NIT2: variants seen among roughly 807,000 people sequenced by gnomAD.
NIT2 encodes omega-amidase NIT2.
A neutral mutation model predicts 42.7 loss-of-function variants in NIT2; 46 were observed. That is an observed-to-expected ratio of 1.08 (90% confidence interval 0.85 to 1.38). NIT2 has a LOEUF of 1.38. NIT2 is among the 40% of genes most tolerant of loss of function. NIT2 has a pLI of 0.00. For missense variants in NIT2, 309 were observed against 342.5 expected, an observed-to-expected ratio of 0.90 and a Z score of 0.77; for synonymous variants, 123 against 121.9, an observed-to-expected ratio of 1.01 and a Z score of -0.06.
At chr3:100,344,786 T>C (rs1706194829) in intron 4 of NIT2, among the ~76,000 whole-genome samples, 1 of 151,276 alleles carries the variant, frequency 6.6e-6, no homozygotes, top group African/African-American at 2.4e-5. Flanking sequence ...GCTGGGATTA[T>C]AGGCATGCAC....
chr3:100,338,154 A>T (rs1432569811), intron 1 of NIT2, among the ~76,000 whole-genome samples: 1 of 152,194 alleles, frequency 6.6e-6, no homozygotes, highest in African/African-American at 2.4e-5. Context: ...AGCAAATATG[A>T]TGTATAGCTA....
Position 100,352,384 on chromosome 3 carries a change from T to G in NIT2, c.585-20T>G. The G allele has an allele frequency of 6.3e-7, 1 of 1,580,978 alleles. No homozygotes were observed. The highest frequency in any genetic ancestry group is 1.3e-5 in the African/African-American group (1 of 74,384). On this transcript the variant is annotated intron_variant, in intron 7 of 9. Coordinates refer to ENST00000394140, the MANE Select transcript of NIT2 (RefSeq NM_020202.5). Reference sequence around the variant, plus strand: ...GATTTATAATGTACGATTTACCTCTTTCCTGTCTATTGACTACAGGGCTGT... The same window carrying G: ...GATTTATAATGTACGATTTACCTCTGTCCTGTCTATTGACTACAGGGCTGT...
At chr3:100,335,041 C>A in intron 1 of NIT2, 1 of 515,572 alleles carries the variant, frequency 1.9e-6, no homozygotes, top group East Asian at 6.6e-5. Context: ...CACCCGGCCG[C>A]GCCGGCACCC....
chr3:100,348,922 T>A, intron 7 of NIT2, 41 bp downstream of exon 7: 1 of 1,568,820 alleles, frequency 6.4e-7, no homozygotes, highest in Non-Finnish European at 8.8e-7. Flanking sequence ...CGGCATGTCC[T>A]CTTTGTAGAA....
chr3:100,341,609 C>T (rs1706154958), intron 4 of NIT2, among the ~76,000 whole-genome samples: 1 of 151,896 alleles, frequency 6.6e-6, no homozygotes, highest in South Asian at 2.1e-4. Flanking sequence ...ACCTCATGAT[C>T]CACCCGCCTC....
chr3:100,350,779 G>A (rs976049214), intron 7 of NIT2, among the ~76,000 whole-genome samples: 7 of 152,052 alleles, frequency 4.6e-5, no homozygotes, highest in East Asian at 1.9e-4. Flanking sequence ...ATATGTATAC[G>A]TGTGCCATGC....
At chr3:100,353,496 T>C (rs2148884993) in intron 8 of NIT2, among the ~76,000 whole-genome samples, 1 of 152,292 alleles carries the variant, frequency 6.6e-6, no homozygotes, top group East Asian at 1.9e-4. Flanking sequence ...AAGGACTAAG[T>C]TGACTTGAAA....
chr3:100,342,035 A>G (rs974587423), intron 4 of NIT2, among the ~76,000 whole-genome samples: 11 of 151,520 alleles, frequency 7.3e-5, no homozygotes, highest in African/African-American at 2.7e-4. Flanking sequence ...ACAGAGCAAG[A>G]CTCCATCTCA....
chr3:100,351,333 A>T (rs1023204177), intron 7 of NIT2, among the ~76,000 whole-genome samples: 4 of 152,256 alleles, frequency 2.6e-5, no homozygotes, highest in African/African-American at 9.6e-5. Context: ...AGCTGGAGGC[A>T]TCACGCTACC....
chr3:100,346,406 T>G (rs886483722), intron 6 of NIT2, 151 bp downstream of exon 6: 4 of 645,168 alleles, frequency 6.2e-6, no homozygotes, highest in African/African-American at 5.5e-5. Flanking sequence ...TCCCAGACTT[T>G]TGCTGTGTAT....
At chr3:100,339,584 C>T (rs1180848920) in intron 2 of NIT2, among the ~76,000 whole-genome samples, 3 of 151,970 alleles carry the variant, frequency 2.0e-5, no homozygotes, top group Non-Finnish European at 4.4e-5. Flanking sequence ...TTTAAATGAG[C>T]TCTGGGAGAA....
chr3:100,334,842 G>GA (rs749179795), intron 1 of NIT2, 44 bp downstream of exon 1: 2 of 1,298,156 alleles, frequency 1.5e-6, no homozygotes, highest in South Asian at 6.5e-5. Flanking sequence ...TCGGGCCGCG[G>GA]GGGAGGCTTT....
Position 100,348,808 on chromosome 3 carries a change from C to T in NIT2, c.511C>T (p.Gln171Ter). 5.6e-6 allele frequency: 9 copies of T among 1,613,954 alleles called. No homozygotes were observed. The highest frequency in any genetic ancestry group is 7.6e-6 in the Non-Finnish European group (9 of 1,179,844). Residue 171 changes from glutamine to a stop codon, truncating the protein, a stop_gained, in exon 7 of 10, where the codon CAG becomes TAG. Transcript: ENST00000394140. LOFTEE classifies it high-confidence loss of function. ...TTGGCTTTTCTCTCCCCAAGGCTGC[C>T]AGCTGTTGGTATATCCAGGAGCTTT... ...LAQIYAQRGCQLLVYPGAFNL... is the reference protein window; with the variant it reads ...LAQIYAQRGC
chr3:100,345,306 A>G (rs905512909), intron 4 of NIT2, among the ~76,000 whole-genome samples: 3 of 152,206 alleles, frequency 2.0e-5, no homozygotes, highest in African/African-American at 7.2e-5. Flanking sequence ...AAAAAGCAAC[A>G]TATTAGTTAC....
At chr3:100,337,546 C>G (rs1206091316) in intron 1 of NIT2, among the ~76,000 whole-genome samples, 1 of 152,148 alleles carries the variant, frequency 6.6e-6, no homozygotes. Context: ...CTCCAACTCC[C>G]AGGTTCAACT....
chr3:100,346,006 C>A, intron 5 of NIT2, 175 bp from the exon 6 acceptor site: 1 of 615,134 alleles, frequency 1.6e-6, no homozygotes. Context: ...TAAATGATGT[C>A]TTTATGAGAT....
At position 100,346,180 on chromosome 3, in the gene NIT2, G is replaced by T. The variant is rs763268556; in HGVS notation, c.431-1G>T. 5.0e-6 allele frequency: 8 copies of T among 1,613,752 alleles called. No homozygotes were observed. In the Admixed American group the frequency reaches 1.3e-4, roughly 27 times the overall value. ...TTTGTGCATTTTCTGTTTGGAAACAGCTTACTGCAGAGTGGGTCTGGGCAT... is the reference window on the plus strand; with the variant it reads ...TTTGTGCATTTTCTGTTTGGAAACATCTTACTGCAGAGTGGGTCTGGGCAT... On this transcript the variant is annotated splice_acceptor_variant, in intron 5 of 9. Transcript: ENST00000394140. LOFTEE classifies it high-confidence loss of function.
chr3:100,339,343 G>A (rs1478450062), intron 2 of NIT2, 138 bp downstream of exon 2: 4 of 694,952 alleles, frequency 5.8e-6, no homozygotes, highest in African/African-American at 1.8e-5. Context: ...AGTCTGACTG[G>A]AGGATGACCT....
chr3:100,335,188 C>G (rs955848428), intron 1 of NIT2: 4 of 204,412 alleles, frequency 2.0e-5, no homozygotes, highest in African/African-American at 9.5e-5. Context: ...GGTGCCCAGG[C>G]GGTTCTTCGT....
Sources: allele counts gnomAD v4.1 joint callset (sites outside exome capture counted in the v4.1 genomes callset), GRCh38; gene constraint gnomAD v4.1.1; transcripts MANE v1.5; gene names NCBI Gene and HGNC (gene_info 2026-07-23, HGNC 2026-07-21).